The following RARB variants were observed in gnomAD, a reference collection of about 807,000 sequenced individuals.
RARB encodes retinoic acid receptor beta.
In RARB, 17 loss-of-function variants were observed where a neutral mutation model predicts 51.9. That is an observed-to-expected ratio of 0.33 (90% CI 0.22 to 0.49). The LOEUF (loss-of-function observed/expected upper bound fraction) is 0.49, where lower values mean the gene tolerates loss of function less well. Among genes scored for constraint, RARB ranks in the 20% least tolerant of loss-of-function variants. The pLI, the probability that RARB is intolerant of heterozygous loss-of-function variation, is 0.99. For missense variants in RARB, 369 were observed against 550.8 expected (o/e 0.67, Z 3.30); for synonymous variants, 215 against 195.4 (o/e 1.10, Z -0.84).
At chr3:25,390,531 T>C (rs898085984) in intron 5 of RARB, among the ~76,000 whole-genome samples, 3 of 152,180 alleles carry the variant, frequency 2.0e-5, no homozygotes, top group African/African-American at 4.8e-5. Context: ...CTGTGGGATA[T>C]AAAAACACCA....
chr3:25,320,502 C>G lies in RARB; in HGVS notation c.179-140691C>G, dbSNP rs941367017. Among the ~76,000 whole-genome samples the G allele has an allele frequency of 2.6e-5, 4 of 152,272 alleles. No homozygotes were observed. In the East Asian group the frequency reaches 7.7e-4, roughly 29 times the overall value. ...AATGAGAGGCCTGTCTGCCCTGACT[C>G]CATTACTAATTCACCAGTCCCTGAC... is the stretch of plus-strand genomic sequence containing the variant. On this transcript the variant is annotated intron_variant, in intron 5 of 11. Coordinates refer to the RARB transcript ENST00000383772.
At chr3:25,408,796 G>C (rs1036834177) in intron 5 of RARB, among the ~76,000 whole-genome samples, 2 of 152,166 alleles carry the variant, frequency 1.3e-5, no homozygotes, top group African/African-American at 4.8e-5. Flanking sequence ...AGCACTTTGG[G>C]AGGCTGAGGC....
intron 4 of RARB, among the ~76,000 whole-genome samples, chr3:25,150,483 A>G (rs1700266687): frequency 1.3e-5 from 2 of 152,212 alleles, no homozygotes; most frequent in Admixed American, 6.5e-5. Flanking sequence ...GGAGTGGTTC[A>G]TGTATAGACT....
intron 3 of RARB, among the ~76,000 whole-genome samples, chr3:25,562,181 G>A (rs1466119657): frequency 6.6e-6 from 1 of 152,026 alleles, no homozygotes; most frequent in African/African-American, 2.4e-5. Context: ...CTTGAGTTTG[G>A]CACAGCGAAG....
intron 4 of RARB, among the ~76,000 whole-genome samples, chr3:25,134,754 C>T (rs1575176139): frequency 1.3e-5 from 2 of 152,058 alleles, no homozygotes; most frequent in Admixed American, 1.3e-4. Context: ...AGGGTTTATG[C>T]TCTTTTCTCA....
At chr3:25,066,022 G>A (rs769174776) in intron 3 of RARB, among the ~76,000 whole-genome samples, 2 of 152,134 alleles carry the variant, frequency 1.3e-5, no homozygotes, top group African/African-American at 2.4e-5. Flanking sequence ...ATGCAAAGAA[G>A]AGGAAGTTAG....
intron 5 of RARB, among the ~76,000 whole-genome samples, chr3:25,581,039 A>G (rs1701152529): frequency 6.6e-6 from 1 of 152,064 alleles, no homozygotes; most frequent in Non-Finnish European, 1.5e-5. Context: ...AAATCATCAC[A>G]TATGCTCTCA....
chr3:24,971,688 C>A (rs1255493302), intron 2 of RARB, among the ~76,000 whole-genome samples: 1 of 151,988 alleles, frequency 6.6e-6, no homozygotes, highest in Non-Finnish European at 1.5e-5. Flanking sequence ...AGAGCAGTGG[C>A]TTCAGCTTTC....
intron 5 of RARB, among the ~76,000 whole-genome samples, chr3:25,344,251 C>T (rs1417020131): frequency 6.6e-6 from 1 of 152,118 alleles, no homozygotes; most frequent in African/African-American, 2.4e-5. Flanking sequence ...ATAGTCACAT[C>T]ATACGTATGA....
At chr3:25,366,098 G>A (rs966165402) in intron 5 of RARB, among the ~76,000 whole-genome samples, 5 of 152,178 alleles carry the variant, frequency 3.3e-5, no homozygotes, top group African/African-American at 9.7e-5. Flanking sequence ...AACTAGACTT[G>A]CCATTCGTTC....
chr3:25,185,610 T>C (rs1700956796), intron 5 of RARB, among the ~76,000 whole-genome samples: 1 of 152,064 alleles, frequency 6.6e-6, no homozygotes, highest in Admixed American at 6.5e-5. Flanking sequence ...CTTAAGAATA[T>C]TTAGTAAATC....
chr3:25,123,279 C>T lies in RARB; in HGVS notation c.-327-8882C>T, dbSNP rs146111798. Among the ~76,000 whole-genome samples, 435 of 152,220 alleles carry T rather than the reference C, an allele frequency of 2.9e-3. 1 individual carries two copies. The highest frequency in any genetic ancestry group is 4.2e-3 in the Non-Finnish European group (289 of 68,010). On this transcript the variant is annotated intron_variant, in intron 3 of 11. Transcript: ENST00000383772. ...TGTTTCACAGTTTCATTTCTATTGG[C>T]GTCAATTTTCAGGACTGAGCATCTG...
At chr3:25,491,398 C>T (rs995802356) in intron 2 of RARB, among the ~76,000 whole-genome samples, 1 of 152,082 alleles carries the variant, frequency 6.6e-6, no homozygotes, top group African/African-American at 2.4e-5. Flanking sequence ...AGAGGCATCC[C>T]AAGGGGATCC....
chr3:24,977,643 A>C (rs539908657), intron 2 of RARB, among the ~76,000 whole-genome samples: 47 of 152,068 alleles, frequency 3.1e-4, no homozygotes, highest in African/African-American at 1.1e-3. Context: ...TCAGCTTAAG[A>C]AGATTTTGGG....
chr3:25,301,319 C>T (rs986196534), intron 5 of RARB, among the ~76,000 whole-genome samples: 1 of 152,162 alleles, frequency 6.6e-6, no homozygotes, highest in East Asian at 1.9e-4. Context: ...TGCATATCTT[C>T]TGTAGGAGGA....
rs563715821 is a variant in RARB, at chr3:24,838,962, A to G, written c.-459+9559A>G. 5.3e-5 allele frequency among the ~76,000 whole-genome samples: 8 copies of G among 151,568 alleles called. No individual in the cohort carries two copies. In the East Asian group the frequency reaches 1.6e-3, roughly 29 times the overall value. On this transcript the variant is annotated intron_variant, in intron 1 of 11. Transcript: ENST00000383772. ...TTTTAATGTCAACTAAATCAAAATT[A>G]AAAACAAAAGAAGCACCAAAACCTA...
chr3:25,456,330 C>T lies in RARB; in HGVS notation c.158-4863C>T, dbSNP rs115135744. 2.4e-3 allele frequency among the ~76,000 whole-genome samples: 370 copies of T among 152,236 alleles called. 2 individuals are homozygous for T. The highest frequency in any genetic ancestry group is 8.1e-3 in the African/African-American group (338 of 41,550). On this transcript the variant is annotated intron_variant, in intron 1 of 7. Coordinates refer to ENST00000330688, the MANE Select transcript of RARB (RefSeq NM_000965.5). The stretch of plus-strand genomic sequence containing the variant: ...ATGGGCTGTCCCCCTGCTTATTTCC[C>T]ACTGACTTTCTTGGGGGGTGGAGGA...
intron 5 of RARB, among the ~76,000 whole-genome samples, chr3:25,195,442 G>A (rs541695124): frequency 2.0e-5 from 3 of 152,062 alleles, no homozygotes; most frequent in South Asian, 2.1e-4. Context: ...TTCTTAAGAC[G>A]ATTCAGACAT....
intron 5 of RARB, among the ~76,000 whole-genome samples, chr3:25,411,586 G>C (rs569325724): frequency 6.6e-6 from 1 of 152,142 alleles, no homozygotes; most frequent in Non-Finnish European, 1.5e-5. Context: ...CTGGCCTCAC[G>C]CACTAAATGC....
Sources: allele counts gnomAD v4.1 joint callset (sites outside exome capture counted in the v4.1 genomes callset), GRCh38; gene constraint gnomAD v4.1.1; transcripts MANE v1.5; gene names NCBI Gene and HGNC (gene_info 2026-07-23, HGNC 2026-07-21).